The following DNASE1 variants were observed in gnomAD, a reference collection of about 807,000 sequenced individuals.
DNASE1 encodes the protein deoxyribonuclease 1, also known as deoxyribonuclease-1.
DNASE1 carries 40 observed loss-of-function variants against 33.9 expected under a neutral mutation model. The ratio of observed to expected loss-of-function variants is 1.18; its 90% CI spans 0.92 to 1.54. The LOEUF (loss-of-function observed/expected upper bound fraction) is 1.54, where lower values mean the gene tolerates loss of function less well. DNASE1 is among the 40% of genes most tolerant of loss of function. The pLI, the probability that DNASE1 is intolerant of heterozygous loss-of-function variation, is 0.00. For synonymous variants in DNASE1, 216 were observed against 160.0 expected, an observed-to-expected ratio of 1.35 and a Z score of -2.64; for missense variants, 518 against 372.6, an observed-to-expected ratio of 1.39 and a Z score of -3.21.
intron 1 of DNASE1, among the ~76,000 whole-genome samples, chr16:3,619,073 C>T (rs376629090): frequency 2.0e-5 from 3 of 151,668 alleles, no homozygotes; most frequent in African/African-American, 4.8e-5. Context: ...TACACTCTAT[C>T]ATCCAGAATG....
At chr16:3,638,582 C>T (rs1443302769), upstream of DNASE1, among the ~76,000 whole-genome samples, 1 of 152,246 alleles carries the variant, frequency 6.6e-6, no homozygotes, top group Non-Finnish European at 1.5e-5. Context: ...TCGTGATCCG[C>T]CTGCCTCGGC....
At chr16:3,643,163 T>G (rs2042072579) in intron 1 of DNASE1, 1 of 153,296 alleles carries the variant, frequency 6.5e-6, no homozygotes, top group African/African-American at 2.4e-5. Flanking sequence ...GGAAATATCC[T>G]GGGGCTGGGA....
At chr16:3,664,249 CCCGCCCCA>C in exon 10 of DNASE1, 4 of 1,533,992 alleles carry the variant, frequency 2.6e-6, no homozygotes, top group Non-Finnish European at 3.5e-6. Flanking sequence ...GCCCCCGGAG[CCCGCCCCA>C]CCCACCGCTC....
At chr16:3,631,225 C>T (rs1473498294) in intron 1 of DNASE1, among the ~76,000 whole-genome samples, 1 of 151,798 alleles carries the variant, frequency 6.6e-6, no homozygotes, top group Non-Finnish European at 1.5e-5. Context: ...GTTTTTGAGA[C>T]AGAGTCTTGG....
At chr16:3,658,706 T>G, downstream of DNASE1, 3 of 1,273,124 alleles carry the variant, frequency 2.4e-6, no homozygotes, top group South Asian at 3.9e-5. Context: ...GACAGGATTT[T>G]AGAGGAAACC....
At chr16:3,658,740 T>A, downstream of DNASE1, 2 of 1,541,398 alleles carry the variant, frequency 1.3e-6, no homozygotes, top group Non-Finnish European at 1.8e-6. Context: ...GAAGGCAGGC[T>A]GGCAGGGCTG....
intron 1 of DNASE1, among the ~76,000 whole-genome samples, chr16:3,635,979 C>T (rs1011793958): frequency 6.6e-6 from 1 of 152,322 alleles, no homozygotes; most frequent in African/African-American, 2.4e-5. Flanking sequence ...CATCTGTCAT[C>T]AGTTTTGGAA....
intron 1 of DNASE1, among the ~76,000 whole-genome samples, chr16:3,628,271 T>A (rs2041584103): frequency 6.6e-6 from 1 of 152,154 alleles, no homozygotes; most frequent in Non-Finnish European, 1.5e-5. Context: ...TGCAAATGAT[T>A]TTTGTGTGCT....
chr16:3,656,839 C>T, intron 5 of DNASE1, 86 bp downstream of exon 5: 2 of 1,541,964 alleles, frequency 1.3e-6, no homozygotes, highest in Non-Finnish European at 1.8e-6. Context: ...GCCTGTGTCA[C>T]ACACTGCCCT....
chr16:3,643,187 G>T (rs1169595459), intron 1 of DNASE1, among the ~76,000 whole-genome samples: 2 of 152,224 alleles, frequency 1.3e-5, no homozygotes, highest in Non-Finnish European at 2.9e-5. Flanking sequence ...CAAGATAGGG[G>T]CTCAGGGCTG....
At chr16:3,664,193 T>C in exon 10 of DNASE1, 1 of 1,401,906 alleles carries the variant, frequency 7.1e-7, no homozygotes, top group Admixed American at 2.9e-5. Context: ...TTGGGCAGGT[T>C]CACCCAGCAC....
At chr16:3,648,925 CCT>C (rs1461392278) in intron 1 of DNASE1, among the ~76,000 whole-genome samples, 1 of 151,894 alleles carries the variant, frequency 6.6e-6, no homozygotes, top group Non-Finnish European at 1.5e-5. Flanking sequence ...ATGAGTTCTG[CCT>C]CTCTTCTTCT....
intron 1 of DNASE1, among the ~76,000 whole-genome samples, chr16:3,631,017 T>A (rs565631448): frequency 6.6e-6 from 1 of 151,952 alleles, no homozygotes; most frequent in Non-Finnish European, 1.5e-5. Flanking sequence ...ATATACCTTA[T>A]AGGATTTTAT....
At chr16:3,624,863 T>G (rs374403536) in intron 1 of DNASE1, among the ~76,000 whole-genome samples, 97 of 152,106 alleles carry the variant, frequency 6.4e-4, no homozygotes, top group African/African-American at 2.2e-3. Flanking sequence ...TAATTTTTTA[T>G]TTTATTTTTT....
At chr16:3,654,604 C>A (rs987998373), upstream of DNASE1, 2 of 398,632 alleles carry the variant, frequency 5.0e-6, no homozygotes, top group Middle Eastern at 6.3e-4. Context: ...AAGATGGGGG[C>A]CACCACACGT....
At chr16:3,645,142 G>GA (rs879314504) in intron 1 of DNASE1, among the ~76,000 whole-genome samples, 7 of 148,246 alleles carry the variant, frequency 4.7e-5, no homozygotes, top group Non-Finnish European at 7.5e-5. Context: ...TTCTTTAAAA[G>GA]AAAAAAAAAA....
intron 1 of DNASE1, among the ~76,000 whole-genome samples, chr16:3,632,418 T>G (rs1202335958): frequency 3.3e-5 from 5 of 152,222 alleles, no homozygotes; most frequent in African/African-American, 1.2e-4. Flanking sequence ...ACATAAGGTT[T>G]GTTACCTCAT....
rs114728738 is a variant in DNASE1 at position 3,664,120 on chromosome 16, G to C, written c.*6167G>C. 1,430 of 767,492 alleles carry C rather than the reference G, an allele frequency of 1.9e-3. 30 individuals are homozygous for C. In the African/African-American group the frequency reaches 0.023, roughly 12 times the overall value. The allele number at this position is 767,492 out of a possible 1,614,324, so 47.5% of individuals were successfully genotyped here. A position where few individuals can be genotyped will look rare whatever the true frequency, so the allele number is the denominator to read the frequency against. ...TGTGACCTCCAAGTGGGAAACAGCC[G>C]TCACAGTCGGTCCGGCCTCTGTGCC... On this transcript the variant is annotated 3_prime_UTR_variant, in exon 10 of 10. Coordinates refer to the DNASE1 transcript ENST00000407479.
rs910529420 is a variant in DNASE1, at chr16:3,656,029, C to T, written c.237-73C>T. 6.2e-6 allele frequency: 10 copies of T among 1,611,332 alleles called. No individual in the cohort carries two copies. The African/African-American group carries it at 1.2e-4, about 19-fold the overall frequency. On this transcript the variant is annotated intron_variant, in intron 3 of 8. Transcript: ENST00000246949. Reference sequence around the variant, plus strand: ...GGCCCCAAGGGTGGGGACCTGGGCACAGCCTCGCTATCGGCAGCCAGAGGG... The same window carrying T: ...GGCCCCAAGGGTGGGGACCTGGGCATAGCCTCGCTATCGGCAGCCAGAGGG...
Sources: gnomAD v4.1 joint callset for allele counts (sites outside exome capture counted in the v4.1 genomes callset) on GRCh38, gnomAD v4.1.1 for gene constraint, MANE v1.5 for transcripts, NCBI Gene and HGNC (gene_info 2026-07-23, HGNC 2026-07-21) for gene names.